Variants in ADGRL3 observed in about 807,000 individuals in gnomAD.
ADGRL3 encodes the protein adhesion G protein-coupled receptor L3.
Under a neutral mutation model 153.5 loss-of-function variants are expected in ADGRL3, and 62 were observed. The observed-to-expected ratio is 0.40, with a 90% CI of 0.33 to 0.50. The LOEUF (loss-of-function observed/expected upper bound fraction) is 0.50. ADGRL3 is among the 20% of genes least tolerant of loss of function. The pLI is 0.47. For synonymous variants in ADGRL3, 710 were observed against 672.5 expected (o/e 1.06, Z -0.86); for missense variants, 1,641 against 1,859.4 (o/e 0.88, Z 2.16).
rs749662813 is a variant in ADGRL3, at chr4:62,071,637, GAA to G, written c.*740_*741del. 143 of 308,668 alleles carry G rather than the reference GAA, an allele frequency of 4.6e-4. No homozygotes were observed. The highest frequency in any genetic ancestry group is 7.3e-4 in the South Asian group (27 of 36,966). The allele number at this position is 308,668 out of a possible 1,614,324, so 19.1% of individuals were successfully genotyped here. On this transcript the variant is annotated 3_prime_UTR_variant, in exon 27 of 27. Transcript: ENST00000683033. ...GAATTTGAGTCCTGTTAATGTAGTA[GAA>G]AAAAAAAAAAGAAATTTTCTTTTTC...
chr4:61,350,167 A>G (rs1044414841), intron 1 of ADGRL3, among the ~76,000 whole-genome samples: 6 of 152,156 alleles, frequency 3.9e-5, no homozygotes, highest in Admixed American at 6.5e-5. Flanking sequence ...GTTAGAGAAA[A>G]TAATTGGAAA....
At chr4:61,867,692 A>G (rs2098411141) in intron 9 of ADGRL3, among the ~76,000 whole-genome samples, 1 of 151,464 alleles carries the variant, frequency 6.6e-6, no homozygotes, top group East Asian at 1.9e-4. Flanking sequence ...CAAAAGAAGC[A>G]GAGAAATTTG....
chr4:61,737,071 CT>C (rs559624083), intron 8 of ADGRL3, among the ~76,000 whole-genome samples: 6,379 of 145,272 alleles, frequency 0.044, 297 homozygotes, highest in African/African-American at 0.11. Context: ...ATTACATTGA[CT>C]TTTTTTTTTT....
At position 61,334,433 on chromosome 4, in the gene ADGRL3, G is replaced by T. The variant is rs567793969; in HGVS notation, c.-239-48691G>T. Among the ~76,000 whole-genome samples the T allele has an allele frequency of 1.9e-3, 288 of 152,226 alleles. 2 individuals carry two copies. The highest frequency in any genetic ancestry group is 2.8e-3 in the Non-Finnish European group (191 of 68,008). On this transcript the variant is annotated intron_variant, in intron 1 of 26. Transcript: ENST00000683033. The stretch of plus-strand genomic sequence containing the variant: ...AGTTACTTTCAACAAAGTTTAAAGG[G>T]TATATTTGATATGAAGTGTAAATTA...
At chr4:61,303,737 T>C (rs1429776675) in intron 1 of ADGRL3, among the ~76,000 whole-genome samples, 1 of 152,208 alleles carries the variant, frequency 6.6e-6, no homozygotes, top group African/African-American at 2.4e-5. Flanking sequence ...TGTTTCTGCG[T>C]TCTCAAACAT....
Position 61,517,415 on chromosome 4 carries a change from G to A in ADGRL3, c.156G>A (p.Gln52=). Residue 52 remains glutamine, a synonymous_variant, in exon 4 of 27, where the codon CAG becomes CAA. Transcript: ENST00000683033. ...GALPPRHLLQ[Q]PAAERTAAHR... ...TTCCACCCAGACATCTGCTTCAGCA[G>A]CCAGCTGCAGAGCGCACCGCTGCTC... 3.8e-6 allele frequency: 3 copies of A among 785,366 alleles called. No individual in the cohort carries two copies. Among genetic ancestry groups the A allele is most frequent in the Non-Finnish European group, 6.5e-6 (3 of 460,320 alleles). The allele number at this position is 785,366 out of a possible 1,614,324, so 48.6% of individuals were successfully genotyped here. A position where few individuals can be genotyped will look rare whatever the true frequency, so the allele number is the denominator to read the frequency against.
intron 5 of ADGRL3, among the ~76,000 whole-genome samples, chr4:61,667,756 A>G (rs909465459): frequency 7.2e-5 from 11 of 152,352 alleles, no homozygotes; most frequent in Admixed American, 3.3e-4. Flanking sequence ...CAAACAAACA[A>G]ACATAATCTT....
chr4:62,044,643 C>T lies in ADGRL3; in HGVS notation c.3814+94C>T, dbSNP rs1730138797. ...TTTATTTGCAACTTCTGAACCTGTTCCACATGATAGAAACATTGTAAGAAC... is the reference window on the plus strand; with the variant it reads ...TTTATTTGCAACTTCTGAACCTGTTTCACATGATAGAAACATTGTAAGAAC... On this transcript the variant is annotated intron_variant, in intron 25 of 26. Coordinates refer to ENST00000683033, the MANE Select transcript of ADGRL3 (RefSeq NM_001387552.1). The T allele has an allele frequency of 2.4e-5, 18 of 755,820 alleles. No individual in the cohort carries two copies. The South Asian group carries it at 3.7e-4, about 15-fold the overall frequency. The allele number at this position is 755,820 out of a possible 1,614,324, so 46.8% of individuals were successfully genotyped here.
At chr4:62,033,732 T>C (rs577567872) in intron 23 of ADGRL3, among the ~76,000 whole-genome samples, 21 of 151,906 alleles carry the variant, frequency 1.4e-4, no homozygotes, top group African/African-American at 4.6e-4. Context: ...TGAAGTATAG[T>C]AGATTTATTT....
At chr4:61,284,810 G>T (rs1296177842) in intron 1 of ADGRL3, among the ~76,000 whole-genome samples, 2 of 151,308 alleles carry the variant, frequency 1.3e-5, no homozygotes, top group Non-Finnish European at 3.0e-5. Flanking sequence ...AAATAAAAAT[G>T]GAAAATAATT....
intron 5 of ADGRL3, among the ~76,000 whole-genome samples, chr4:61,664,201 T>C (rs896352764): frequency 6.6e-6 from 1 of 152,138 alleles, no homozygotes; most frequent in African/African-American, 2.4e-5. Context: ...TATTGGGAAA[T>C]ATTACAGAAA....
At chr4:61,261,193 T>G (rs141227388) in intron 1 of ADGRL3, among the ~76,000 whole-genome samples, 76 of 145,632 alleles carry the variant, frequency 5.2e-4, no homozygotes, top group African/African-American at 1.7e-3. Flanking sequence ...CTTCTTCTTT[T>G]TTTTTTTTTT....
intron 25 of ADGRL3, among the ~76,000 whole-genome samples, chr4:62,050,812 C>T (rs1394104595): frequency 6.6e-6 from 1 of 151,850 alleles, no homozygotes; most frequent in African/African-American, 2.4e-5. Flanking sequence ...TATTAACCAG[C>T]TCCTAATATA....
chr4:61,377,348 T>C (rs541072072), intron 1 of ADGRL3, among the ~76,000 whole-genome samples: 2 of 152,256 alleles, frequency 1.3e-5, no homozygotes, highest in South Asian at 4.1e-4. Flanking sequence ...CAGCCTTCTA[T>C]AAGCAAAATT....
chr4:61,258,938 A>G (rs1478386223), intron 1 of ADGRL3, among the ~76,000 whole-genome samples: 2 of 152,206 alleles, frequency 1.3e-5, no homozygotes, highest in Non-Finnish European at 2.9e-5. Context: ...TCGCATATCA[A>G]AATAAGAAGA....
At chr4:61,912,385 A>G (rs1414667396) in intron 12 of ADGRL3, among the ~76,000 whole-genome samples, 1 of 152,196 alleles carries the variant, frequency 6.6e-6, no homozygotes, top group Non-Finnish European at 1.5e-5. Context: ...TAAATTCATA[A>G]CTAACCTAAT....
chr4:61,458,812 A>C (rs952566958), intron 2 of ADGRL3, among the ~76,000 whole-genome samples: 2 of 151,542 alleles, frequency 1.3e-5, no homozygotes, highest in Non-Finnish European at 3.0e-5. Flanking sequence ...TGTTCTCTAG[A>C]TAATTTATTT....
chr4:61,757,693 G>T (rs904582090), intron 8 of ADGRL3, among the ~76,000 whole-genome samples: 1 of 152,056 alleles, frequency 6.6e-6, no homozygotes, highest in African/African-American at 2.4e-5. Context: ...TGCTTCTCTA[G>T]TTCTTTTAAT....
chr4:61,606,520 G>T (rs1451437984), intron 5 of ADGRL3, among the ~76,000 whole-genome samples: 3 of 152,134 alleles, frequency 2.0e-5, no homozygotes, highest in Non-Finnish European at 4.4e-5. Context: ...TTTTCTCTGT[G>T]CCCTTAAACT....
Sources: gnomAD v4.1 joint callset for allele counts (sites outside exome capture counted in the v4.1 genomes callset) on GRCh38, gnomAD v4.1.1 for gene constraint, MANE v1.5 for transcripts, NCBI Gene and HGNC (gene_info 2026-07-23, HGNC 2026-07-21) for gene names.